MYLK4: variants seen among roughly 807,000 people sequenced by gnomAD.
The protein encoded by MYLK4 is myosin light chain kinase family member 4, also known as caMLCK like.
In MYLK4, 46 loss-of-function variants were observed where a neutral mutation model predicts 48.1. That is an observed-to-expected ratio of 0.96 (90% CI 0.75 to 1.22). MYLK4 has a LOEUF of 1.22. MYLK4 is among the 50% of genes most tolerant of loss of function. The pLI is 0.00. For missense variants in MYLK4, 451 were observed against 486.1 expected (o/e 0.93, Z 0.68); for synonymous variants, 170 against 180.8 (o/e 0.94, Z 0.48).
intron 2 of MYLK4, among the ~76,000 whole-genome samples, chr6:2,702,392 A>AT (rs967556900): frequency 1.3e-5 from 2 of 152,218 alleles, no homozygotes; most frequent in African/African-American, 4.8e-5. Context: ...CAAGTGCTGT[A>AT]ACCTGGCTAC....
At chr6:2,744,225 T>G (rs1192987528) in intron 2 of MYLK4, 1 of 388,928 alleles carries the variant, frequency 2.6e-6, no homozygotes, top group Non-Finnish European at 4.5e-6. Context: ...ATAATCTGCC[T>G]CTTTAAAAGG....
intron 2 of MYLK4, among the ~76,000 whole-genome samples, chr6:2,716,836 G>T (rs924773145): frequency 3.3e-5 from 5 of 152,232 alleles, no homozygotes; most frequent in Non-Finnish European, 7.3e-5. Context: ...TAAAATGAAT[G>T]AAAATATGTA....
intron 9 of MYLK4, 96 bp from the exon 10 acceptor site, chr6:2,678,468 G>C: frequency 7.4e-7 from 1 of 1,345,644 alleles, no homozygotes; most frequent in Non-Finnish European, 1.0e-6. Context: ...AAAGGTGAGA[G>C]AAGGAAAATA....
At chr6:2,750,554 A>G (rs546809373) in intron 1 of MYLK4, among the ~76,000 whole-genome samples, 182 bp downstream of exon 1, 1 of 152,358 alleles carries the variant, frequency 6.6e-6, no homozygotes, top group East Asian at 1.9e-4. Flanking sequence ...CTCAAGTTGG[A>G]TCAGGAAGCC....
intron 2 of MYLK4, among the ~76,000 whole-genome samples, chr6:2,740,968 GT>G (rs1763880410): frequency 6.6e-6 from 1 of 152,206 alleles, no homozygotes; most frequent in Non-Finnish European, 1.5e-5. Context: ...ACTTTAGGTG[GT>G]TTTAGATCAT....
chr6:2,742,022 A>T (rs891789039), intron 2 of MYLK4, among the ~76,000 whole-genome samples: 2 of 152,222 alleles, frequency 1.3e-5, no homozygotes, highest in African/African-American at 4.8e-5. Flanking sequence ...GCCTAAAAAC[A>T]CAGACTTAAC....
chr6:2,715,358 C>CTTA (rs1762830891), intron 2 of MYLK4, among the ~76,000 whole-genome samples: 1 of 151,862 alleles, frequency 6.6e-6, no homozygotes, highest in African/African-American at 2.4e-5. Context: ...TGTGAATGTA[C>CTTA]TTAGCATCAT....
At chr6:2,695,318 G>A (rs1283007935) in intron 2 of MYLK4, among the ~76,000 whole-genome samples, 1 of 152,164 alleles carries the variant, frequency 6.6e-6, no homozygotes, top group Non-Finnish European at 1.5e-5. Flanking sequence ...AAACTGGTAT[G>A]TATCAGTCAA....
At chr6:2,770,318 C>G in the MYLK4 span, 1 of 1,614,020 alleles carries the variant, frequency 6.2e-7, no homozygotes, top group South Asian at 1.1e-5. Context: ...AGACTCTAGC[C>G]GTCCCACTGA....
the MYLK4 span, among the ~76,000 whole-genome samples, chr6:2,757,426 A>G: frequency 6.6e-6 from 1 of 152,194 alleles, no homozygotes; most frequent in Non-Finnish European, 1.5e-5. Flanking sequence ...TCTGATTTTT[A>G]TGGAAGGCAA....
At chr6:2,701,237 A>G (rs1298288099) in intron 2 of MYLK4, among the ~76,000 whole-genome samples, 6 of 151,756 alleles carry the variant, frequency 4.0e-5, no homozygotes, top group Non-Finnish European at 2.9e-5. Context: ...TTCATTTCAC[A>G]TGGGGTTCTC....
chr6:2,697,505 G>A lies in MYLK4; in HGVS notation c.160-4646C>T, dbSNP rs1342008376. ...CGGCATCGGTCCACAGGCGTGTGCC[G>A]GCTACCTGGGCATGAGTGCGCTCTC... On this transcript the variant is annotated intron_variant, in intron 2 of 12. Coordinates refer to ENST00000274643, the MANE Select transcript of MYLK4 (RefSeq NM_001012418.5). Among the ~76,000 whole-genome samples the A allele has an allele frequency of 3.2e-4, 49 of 152,194 alleles. 1 individual carries two copies. Among genetic ancestry groups the A allele is most frequent in the Admixed American group, 2.9e-3 (45 of 15,280 alleles).
chr6:2,755,258 ACTTT>A (rs1458196960), upstream of MYLK4, among the ~76,000 whole-genome samples: 1 of 152,150 alleles, frequency 6.6e-6, no homozygotes, highest in Non-Finnish European at 1.5e-5. Flanking sequence ...TATCCCTTAA[ACTTT>A]CTAAGGGATA....
intron 2 of MYLK4, among the ~76,000 whole-genome samples, chr6:2,741,007 T>A (rs12206599): frequency 0.43 from 65,305 of 152,138 alleles, 14,777 homozygotes; most frequent in East Asian, 0.55. Flanking sequence ...TTAAAACTTA[T>A]GTGTGTGTTA....
intron 2 of MYLK4, among the ~76,000 whole-genome samples, chr6:2,694,604 GATGATTGTA>G (rs1309978173): frequency 2.2e-5 from 3 of 137,106 alleles, no homozygotes; most frequent in Non-Finnish European, 3.3e-5. Flanking sequence ...TGGTGGTGGT[GATGATTGTA>G]GTGGTGATGG....
At chr6:2,684,622 TACA>T (rs1761454810) in intron 6 of MYLK4, among the ~76,000 whole-genome samples, 1 of 152,024 alleles carries the variant, frequency 6.6e-6, no homozygotes, top group African/African-American at 2.4e-5. Context: ...AAATTGACAA[TACA>T]ACAACAAAAA....
intron 6 of MYLK4, among the ~76,000 whole-genome samples, chr6:2,684,781 C>T (rs965692115): frequency 6.6e-6 from 1 of 152,176 alleles, no homozygotes; most frequent in Non-Finnish European, 1.5e-5. Context: ...CATTTTATGT[C>T]AGGAACTTGA....
At chr6:2,764,253 A>T in the MYLK4 span, among the ~76,000 whole-genome samples, 1 of 152,176 alleles carries the variant, frequency 6.6e-6, no homozygotes, top group Non-Finnish European at 1.5e-5. Flanking sequence ...TTTAGTTAGA[A>T]ACAACTCTTA....
At position 2,683,061 on chromosome 6, in the gene MYLK4, C is replaced by T. The variant is rs1761372816; in HGVS notation, c.647G>A (p.Arg216Lys). 1 of 1,614,034 alleles carries T rather than the reference C, an allele frequency of 6.2e-7. No homozygotes were observed. The highest frequency in any genetic ancestry group is 8.5e-7 in the Non-Finnish European group (1 of 1,180,032). Reference sequence around the variant, plus strand: ...GAGAATGTACATCTGATGCATGTGCCTTATCCCCTCACATATCTGCTTCAT... The same window carrying T: ...GAGAATGTACATCTGATGCATGTGCTTTATCCCCTCACATATCTGCTTCAT... ...LFMKQICEGIRHMHQMYILHL... is the reference protein window; with the variant it reads ...LFMKQICEGIKHMHQMYILHL... The change falls in exon 7 of 13, where the codon AGG (arginine) becomes AAG (lysine). Residue 216 changes from arginine (R) to lysine (K), a missense_variant. Transcript: ENST00000274643.
Sources: gnomAD v4.1 joint callset for allele counts (sites outside exome capture counted in the v4.1 genomes callset) on GRCh38, gnomAD v4.1.1 for gene constraint, MANE v1.5 for transcripts, NCBI Gene and HGNC (gene_info 2026-07-23, HGNC 2026-07-21) for gene names.